USP3: variants seen among roughly 807,000 people sequenced by gnomAD.
The protein encoded by USP3 is ubiquitin carboxyl-terminal hydrolase 3.
A neutral mutation model predicts 72.3 loss-of-function variants in USP3; 20 were observed. The ratio of observed to expected loss-of-function variants is 0.28; its 90% CI spans 0.19 to 0.40. USP3 has a LOEUF of 0.40. Ranked by LOEUF, USP3 falls within the 10% of genes least tolerant of loss-of-function variation. The pLI, the probability that USP3 is intolerant of heterozygous loss-of-function variation, is 1.00. For synonymous variants in USP3, 222 were observed against 225.3 expected (o/e 0.99, Z 0.13); for missense variants, 479 against 633.9 (o/e 0.76, Z 2.62).
Position 63,591,666 on chromosome 15 carries a change from T to C in USP3, c.*840T>C, listed in dbSNP as rs760962249. 4 of 152,216 alleles carry C rather than the reference T, an allele frequency of 2.6e-5. No homozygotes were observed. The highest frequency in any genetic ancestry group is 5.9e-5 in the Non-Finnish European group (4 of 68,050). The allele number at this position is 152,216 out of a possible 1,614,324, so 9.4% of individuals were successfully genotyped here. A position where few individuals can be genotyped will look rare whatever the true frequency, so the allele number is the denominator to read the frequency against. ...TCTCATTCCCCCTTAGTTGTACCAC[T>C]GGAAGTCACGACATGTCCATTATAG... On this transcript the variant is annotated 3_prime_UTR_variant, in exon 15 of 15. Coordinates refer to ENST00000380324, the MANE Select transcript of USP3 (RefSeq NM_006537.4).
At chr15:63,547,415 AAAAC>A (rs1471323734) in intron 3 of USP3, among the ~76,000 whole-genome samples, 1 of 152,136 alleles carries the variant, frequency 6.6e-6, no homozygotes, top group Non-Finnish European at 1.5e-5. Flanking sequence ...AAACCAGTGA[AAAAC>A]AAATCCAGCC....
chr15:63,509,929 T>C (rs1208346917), intron 1 of USP3, among the ~76,000 whole-genome samples: 6 of 152,218 alleles, frequency 3.9e-5, no homozygotes, highest in Non-Finnish European at 5.9e-5. Context: ...TGCTTAATAG[T>C]GTATACAGAA....
At chr15:63,580,116 A>G (rs2066928976) in intron 11 of USP3, among the ~76,000 whole-genome samples, 1 of 152,190 alleles carries the variant, frequency 6.6e-6, no homozygotes, top group Admixed American at 6.5e-5. Flanking sequence ...GGTTTAATAA[A>G]TTGCATTATG....
At chr15:63,512,138 G>A (rs912646001) in intron 1 of USP3, among the ~76,000 whole-genome samples, 1 of 151,708 alleles carries the variant, frequency 6.6e-6, no homozygotes, top group Non-Finnish European at 1.5e-5. Context: ...TGTATCTTTA[G>A]TAGAGTCAGG....
intron 3 of USP3, among the ~76,000 whole-genome samples, chr15:63,543,434 C>T (rs1397727543): frequency 1.3e-5 from 2 of 152,054 alleles, no homozygotes; most frequent in Admixed American, 1.3e-4. Flanking sequence ...GAACACTGTA[C>T]CTTTTTATTT....
At chr15:63,548,607 C>T (rs934651899) in intron 3 of USP3, among the ~76,000 whole-genome samples, 1 of 152,056 alleles carries the variant, frequency 6.6e-6, no homozygotes, top group Admixed American at 6.5e-5. Flanking sequence ...GGATTATAGG[C>T]GTGAGCCACC....
rs1447258157 is a variant in USP3, at chr15:63,589,149, T to C, written c.1397+138T>C. Reference sequence around the variant, plus strand: ...TAGGTGAAATTTCCTTCAGTTTTGGTGCGGAAGAGTACTCCTCAGATGATG... The same window carrying C: ...TAGGTGAAATTTCCTTCAGTTTTGGCGCGGAAGAGTACTCCTCAGATGATG... On this transcript the variant is annotated intron_variant, in intron 14 of 14. Transcript: ENST00000380324. 3.3e-6 allele frequency: 3 copies of C among 917,530 alleles called. No individual in the cohort carries two copies. The African/African-American group carries it at 4.9e-5, about 15-fold the overall frequency. 56.8% of individuals were successfully genotyped at this position (917,530 alleles called of 1,614,324 possible). A position where few individuals can be genotyped will look rare whatever the true frequency, so the allele number is the denominator to read the frequency against.
intron 6 of USP3, 96 bp from the exon 7 acceptor site, chr15:63,559,761 A>G: frequency 1.0e-6 from 1 of 989,590 alleles, no homozygotes; most frequent in South Asian, 1.7e-5. Flanking sequence ...ACAATTGAAA[A>G]ATGGCAGTTT....
intron 3 of USP3, among the ~76,000 whole-genome samples, chr15:63,539,561 A>G (rs1392907029): frequency 6.6e-6 from 1 of 152,230 alleles, no homozygotes; most frequent in African/African-American, 2.4e-5. Context: ...TATTAACTAG[A>G]AATGGGAATT....
intron 2 of USP3, among the ~76,000 whole-genome samples, chr15:63,534,599 A>G (rs2066127286): frequency 6.6e-6 from 1 of 152,202 alleles, no homozygotes. Flanking sequence ...CTCTTCGACT[A>G]ATATATTTAG....
intron 1 of USP3, among the ~76,000 whole-genome samples, chr15:63,522,771 G>A (rs2065936361): frequency 6.6e-6 from 1 of 152,168 alleles, no homozygotes; most frequent in South Asian, 2.1e-4. Context: ...AAAGAACTTA[G>A]CATCTTTGTT....
chr15:63,563,413 C>G (rs960002317), intron 8 of USP3, among the ~76,000 whole-genome samples: 2 of 152,122 alleles, frequency 1.3e-5, no homozygotes, highest in Admixed American at 6.5e-5. Flanking sequence ...ATGAACTGTT[C>G]GGAGCTGAGT....
chr15:63,538,659 C>A (rs1444246036), intron 3 of USP3, among the ~76,000 whole-genome samples: 1 of 151,688 alleles, frequency 6.6e-6, no homozygotes, highest in Admixed American at 6.6e-5. Context: ...CATTCTCCTG[C>A]CTCAGCCTCC....
At chr15:63,568,823 C>T (rs577216078) in intron 8 of USP3, among the ~76,000 whole-genome samples, 5 of 152,294 alleles carry the variant, frequency 3.3e-5, no homozygotes, top group South Asian at 4.1e-4. Flanking sequence ...GAAATAGACT[C>T]ATAACCTACC....
chr15:63,560,020 A>T (rs374794827), intron 7 of USP3, 50 bp downstream of exon 7: 295 of 1,508,412 alleles, frequency 2.0e-4, no homozygotes, highest in Non-Finnish European at 2.5e-4. Context: ...AAAACAAATT[A>T]CTTTCACTGG....
chr15:63,533,903 T>C, intron 2 of USP3: 5 of 1,168,140 alleles, frequency 4.3e-6, no homozygotes, highest in Non-Finnish European at 5.4e-6. Flanking sequence ...CAGATTCCTC[T>C]CCTAGATTTT....
At chr15:63,584,199 G>A (rs978906288) in intron 11 of USP3, among the ~76,000 whole-genome samples, 1 of 143,528 alleles carries the variant, frequency 7.0e-6, no homozygotes, top group Admixed American at 7.4e-5. Context: ...CCAGGTTCAC[G>A]CCATTCTCCT....
Position 63,588,302 on chromosome 15 carries a change from T to G in USP3, c.1097-3T>G. 1 of 1,590,984 alleles carries G rather than the reference T, an allele frequency of 6.3e-7. No homozygotes were observed. The highest frequency in any genetic ancestry group is 8.5e-7 in the Non-Finnish European group (1 of 1,172,302). On this transcript the variant is annotated splice_polypyrimidine_tract_variant and splice_region_variant and intron_variant, in intron 11 of 14. Coordinates refer to ENST00000380324, the MANE Select transcript of USP3 (RefSeq NM_006537.4). The surrounding 1 kb of genome is among the most constrained non-coding windows in gnomAD (Gnocchi z 4.6). Reference sequence around the variant, plus strand: ...TTAATGCTGCCAAAATCAATTTGTTTAGATTGTCTTCGCAGTTTTACCGAC... The same window carrying G: ...TTAATGCTGCCAAAATCAATTTGTTGAGATTGTCTTCGCAGTTTTACCGAC...
Position 63,547,833 on chromosome 15 carries a change from A to G in USP3, c.285-5882A>G, listed in dbSNP as rs1388508752. 2.3e-4 allele frequency among the ~76,000 whole-genome samples: 25 copies of G among 107,394 alleles called. 1 individual carries two copies. Among genetic ancestry groups the G allele is most frequent in the Non-Finnish European group, 2.4e-4 (12 of 49,136 alleles). The allele number at this position is 107,394 out of a possible 152,430, so 70.5% of individuals were successfully genotyped here. A position where few individuals can be genotyped will look rare whatever the true frequency, so the allele number is the denominator to read the frequency against. On this transcript the variant is annotated intron_variant, in intron 3 of 14. Transcript: ENST00000380324. ...GAGAGGCATAGAGAGAGAGAGAGAGAGAGGGAGGGAGGGAGAGAGAGAGAG... is the reference window on the plus strand; with the variant it reads ...GAGAGGCATAGAGAGAGAGAGAGAGGGAGGGAGGGAGGGAGAGAGAGAGAG...
Sources: allele counts gnomAD v4.1 joint callset (sites outside exome capture counted in the v4.1 genomes callset), GRCh38; gene constraint gnomAD v4.1.1; non-coding constraint Gnocchi (gnomAD v3.1); transcripts MANE v1.5; gene names NCBI Gene and HGNC (gene_info 2026-07-23, HGNC 2026-07-21).